Variants in GRM8 observed in about 807,000 individuals in gnomAD.
The protein encoded by GRM8 is glutamate metabotropic receptor 8.
Under a neutral mutation model 87.2 loss-of-function variants are expected in GRM8, and 47 were observed. That is an observed-to-expected ratio of 0.54 (90% CI 0.43 to 0.69). The LOEUF (loss-of-function observed/expected upper bound fraction) is 0.69. Among genes scored for constraint, GRM8 ranks in the 30% least tolerant of loss-of-function variants. The probability of loss-of-function intolerance (pLI) is 0.00; values close to 1 mark genes in which losing one functional copy is unlikely to be tolerated. For missense variants in GRM8, 1,019 were observed against 1,139.2 expected (o/e 0.89, Z 1.52); for synonymous variants, 396 against 404.5 (o/e 0.98, Z 0.25).
chr7:126,963,671 C>T (rs1445905799), intron 3 of GRM8, among the ~76,000 whole-genome samples: 1 of 152,090 alleles, frequency 6.6e-6, no homozygotes, highest in Non-Finnish European at 1.5e-5. Context: ...AGAGAGGACA[C>T]AAATAAATGG....
At chr7:126,992,717 A>G (rs941735592) in intron 3 of GRM8, among the ~76,000 whole-genome samples, 1 of 152,150 alleles carries the variant, frequency 6.6e-6, no homozygotes, top group African/African-American at 2.4e-5. Flanking sequence ...ATAGGTAATT[A>G]GGTTTACATG....
In GRM8 at chr7:127,249,148, T is replaced by C. The variant is rs76528902; in HGVS notation, c.-312+3649A>G. Among the ~76,000 whole-genome samples, 1,088 of 152,274 alleles carry C rather than the reference T, an allele frequency of 7.1e-3. 12 individuals are homozygous for C. The highest frequency in any genetic ancestry group is 0.01 in the Non-Finnish European group (689 of 68,016). ...TAACCCTGCCTGGAAAAGTATGAAATTGGCAACACATGTGTCCAACAATCT... is the reference window on the plus strand; with the variant it reads ...TAACCCTGCCTGGAAAAGTATGAAACTGGCAACACATGTGTCCAACAATCT... On this transcript the variant is annotated intron_variant, in intron 1 of 10. Transcript: ENST00000339582.
At chr7:127,007,969 A>C (rs148367031) in intron 3 of GRM8, among the ~76,000 whole-genome samples, 155 of 152,120 alleles carry the variant, frequency 1.0e-3, no homozygotes, top group African/African-American at 3.6e-3. Flanking sequence ...GATCCTCTTA[A>C]AATTATAATA....
intron 3 of GRM8, among the ~76,000 whole-genome samples, chr7:127,075,543 A>G (rs1822169404): frequency 6.6e-6 from 1 of 152,204 alleles, no homozygotes; most frequent in Non-Finnish European, 1.5e-5. Flanking sequence ...ATCTAACAAC[A>G]GAGAAATCAG....
intron 9 of GRM8, among the ~76,000 whole-genome samples, chr7:126,457,152 T>C (rs1584674652): frequency 6.6e-6 from 1 of 151,490 alleles, no homozygotes; most frequent in East Asian, 1.9e-4. Context: ...ATGAGTTTAA[T>C]AACTAATTAG....
chr7:127,001,637 T>G (rs892993234), intron 3 of GRM8, among the ~76,000 whole-genome samples: 3 of 151,726 alleles, frequency 2.0e-5, no homozygotes, highest in Non-Finnish European at 3.0e-5. Context: ...GCCACTACTT[T>G]GTAAATCTGT....
chr7:126,584,933 T>G (rs1438759848), intron 8 of GRM8, among the ~76,000 whole-genome samples: 1 of 152,160 alleles, frequency 6.6e-6, no homozygotes, highest in Admixed American at 6.5e-5. Flanking sequence ...GCTCTCATGT[T>G]AGTCTTAGTA....
At chr7:126,921,582 C>T (rs2131364688) in intron 3 of GRM8, among the ~76,000 whole-genome samples, 1 of 151,998 alleles carries the variant, frequency 6.6e-6, no homozygotes, top group South Asian at 2.1e-4. Context: ...GAGTAAAAAC[C>T]AATTACAGAG....
At chr7:126,712,447 C>A (rs1464780633) in intron 7 of GRM8, among the ~76,000 whole-genome samples, 1 of 151,952 alleles carries the variant, frequency 6.6e-6, no homozygotes, top group African/African-American at 2.4e-5. Flanking sequence ...AACAGAGATA[C>A]AAAGTAAACA....
intron 6 of GRM8, among the ~76,000 whole-genome samples, chr7:126,854,133 G>A (rs1263210072): frequency 6.6e-6 from 1 of 152,162 alleles, no homozygotes; most frequent in Non-Finnish European, 1.5e-5. Context: ...TTAGTGGGCA[G>A]AAAATGAGTT....
At chr7:127,227,911 C>A (rs987025233) in intron 2 of GRM8, among the ~76,000 whole-genome samples, 1 of 152,180 alleles carries the variant, frequency 6.6e-6, no homozygotes, top group African/African-American at 2.4e-5. Context: ...GCTGGCCAGC[C>A]CATCTGCCAT....
intron 8 of GRM8, among the ~76,000 whole-genome samples, chr7:126,535,806 C>T (rs1031647118): frequency 6.6e-6 from 1 of 152,136 alleles, no homozygotes; most frequent in Admixed American, 6.5e-5. Flanking sequence ...CTCTCAGCAG[C>T]CCTGTGGAAA....
intron 2 of GRM8, among the ~76,000 whole-genome samples, chr7:127,199,438 G>A (rs1274156847): frequency 1.3e-5 from 2 of 152,248 alleles, no homozygotes; most frequent in Non-Finnish European, 2.9e-5. Flanking sequence ...ATTGTGACTA[G>A]TTAGTCCCTT....
chr7:126,902,772 T>C (rs532418656), intron 5 of GRM8, 93 bp from the exon 6 acceptor site: 1 of 859,774 alleles, frequency 1.2e-6, no homozygotes, highest in South Asian at 2.3e-5. Flanking sequence ...GATCACTGCA[T>C]GAAAAGAAAA....
intron 7 of GRM8, among the ~76,000 whole-genome samples, chr7:126,614,130 T>C (rs1413809641): frequency 2.6e-5 from 4 of 152,092 alleles, no homozygotes; most frequent in Non-Finnish European, 5.9e-5. Flanking sequence ...CACCTCCCAG[T>C]AGGGGCAGAC....
intron 8 of GRM8, among the ~76,000 whole-genome samples, chr7:126,536,223 C>A (rs1815694598): frequency 6.6e-6 from 1 of 152,198 alleles, no homozygotes; most frequent in African/African-American, 2.4e-5. Context: ...AATATTCCTT[C>A]ATCATTCTTA....
At chr7:127,153,682 T>A (rs1792543713) in intron 2 of GRM8, among the ~76,000 whole-genome samples, 1 of 152,138 alleles carries the variant, frequency 6.6e-6, no homozygotes, top group Non-Finnish European at 1.5e-5. Flanking sequence ...TCTGTCAATT[T>A]ACCCTACTAC....
chr7:127,108,932 T>C (rs1339596950), intron 2 of GRM8, among the ~76,000 whole-genome samples: 1 of 152,210 alleles, frequency 6.6e-6, no homozygotes, highest in African/African-American at 2.4e-5. Context: ...TCAGGGTATA[T>C]GAATAGTATT....
intron 7 of GRM8, among the ~76,000 whole-genome samples, chr7:126,632,460 G>A (rs879232027): frequency 6.6e-6 from 1 of 152,126 alleles, no homozygotes; most frequent in Non-Finnish European, 1.5e-5. Flanking sequence ...TACCCACTGT[G>A]GAAGACAGTT....
Sources: allele counts gnomAD v4.1 joint callset (sites outside exome capture counted in the v4.1 genomes callset), GRCh38; gene constraint gnomAD v4.1.1; transcripts MANE v1.5; gene names NCBI Gene and HGNC (gene_info 2026-07-23, HGNC 2026-07-21).